PRR16: variants seen among roughly 807,000 people sequenced by gnomAD.
The protein encoded by PRR16 is proline rich 16.
A neutral mutation model predicts 18.2 loss-of-function variants in PRR16; 6 were observed. The ratio of observed to expected loss-of-function variants is 0.33; its 90% CI spans 0.18 to 0.65. The LOEUF (loss-of-function observed/expected upper bound fraction) is 0.65, where lower values mean the gene tolerates loss of function less well. Ranked by LOEUF, PRR16 falls within the 30% of genes least tolerant of loss-of-function variation. PRR16 has a pLI of 0.74. For missense variants in PRR16, 412 were observed against 376.6 expected (o/e 1.09, Z -0.78); for synonymous variants, 151 against 147.8 (o/e 1.02, Z -0.16).
chr5:120,675,757 C>T (rs1010802157), intron 1 of PRR16, among the ~76,000 whole-genome samples: 5 of 152,064 alleles, frequency 3.3e-5, no homozygotes, highest in African/African-American at 1.2e-4. Context: ...AGTACTTGCA[C>T]AATAAATTAT....
chr5:120,691,087 T>C (rs1757203379), downstream of PRR16, among the ~76,000 whole-genome samples: 1 of 152,148 alleles, frequency 6.6e-6, no homozygotes, highest in African/African-American at 2.4e-5. Flanking sequence ...ACATAGGAAT[T>C]AGTACACTTA....
intron 1 of PRR16, among the ~76,000 whole-genome samples, chr5:120,534,335 G>T (rs1049892169): frequency 3.9e-5 from 6 of 152,080 alleles, no homozygotes; most frequent in Non-Finnish European, 5.9e-5. Flanking sequence ...TATCTTAAAA[G>T]ATATTATATT....
chr5:120,488,724 C>G (rs1486222651), intron 1 of PRR16, among the ~76,000 whole-genome samples: 2 of 152,102 alleles, frequency 1.3e-5, no homozygotes, highest in African/African-American at 2.4e-5. Flanking sequence ...TTCTCTAGTT[C>G]TTTTAATTGT....
chr5:120,667,953 G>A (rs1435152265), intron 1 of PRR16, among the ~76,000 whole-genome samples: 1 of 152,116 alleles, frequency 6.6e-6, no homozygotes, highest in African/African-American at 2.4e-5. Flanking sequence ...GGAGAGTTCT[G>A]TAGATGTCTA....
chr5:120,622,679 A>G (rs558039330), intron 1 of PRR16, among the ~76,000 whole-genome samples: 7 of 152,018 alleles, frequency 4.6e-5, no homozygotes, highest in African/African-American at 1.7e-4. Context: ...GAGTTTCACC[A>G]TGTTGGCTAG....
the PRR16 span, among the ~76,000 whole-genome samples, chr5:120,726,892 G>A: frequency 3.3e-5 from 5 of 152,072 alleles, 1 homozygote; most frequent in East Asian, 9.7e-4. Flanking sequence ...CTATGTAGTA[G>A]CATTGTTACT....
At chr5:120,783,706 GT>G in the PRR16 span, among the ~76,000 whole-genome samples, 2 of 152,086 alleles carry the variant, frequency 1.3e-5, no homozygotes, top group South Asian at 4.1e-4. Flanking sequence ...CATTTATCAT[GT>G]TTTTGTGTTG....
intron 1 of PRR16, among the ~76,000 whole-genome samples, chr5:120,652,232 A>G (rs1336507276): frequency 1.3e-5 from 2 of 150,790 alleles, no homozygotes; most frequent in African/African-American, 2.4e-5. Context: ...AATGGTGTCT[A>G]TGTTTTTTTT....
chr5:120,682,814 C>A (rs531617533), intron 1 of PRR16, among the ~76,000 whole-genome samples: 1 of 152,254 alleles, frequency 6.6e-6, no homozygotes, highest in East Asian at 1.9e-4. Flanking sequence ...GAAGTAACAA[C>A]CACTTCCAAG....
chr5:120,713,967 T>C, the PRR16 span, among the ~76,000 whole-genome samples: 1 of 152,172 alleles, frequency 6.6e-6, no homozygotes, highest in Non-Finnish European at 1.5e-5. Flanking sequence ...AAAGTTTTGA[T>C]ACATTTCCGA....
At chr5:120,712,021 T>C in the PRR16 span, among the ~76,000 whole-genome samples, 1 of 152,182 alleles carries the variant, frequency 6.6e-6, no homozygotes, top group Non-Finnish European at 1.5e-5. Flanking sequence ...TTTCCTCTTA[T>C]TGACAAGTTT....
intron 1 of PRR16, among the ~76,000 whole-genome samples, chr5:120,670,106 A>G (rs1180918492): frequency 2.0e-5 from 3 of 152,146 alleles, no homozygotes; most frequent in Non-Finnish European, 2.9e-5. Context: ...GTGATAAATA[A>G]TGCAGATTCA....
At chr5:120,527,074 G>T (rs529117214) in intron 1 of PRR16, among the ~76,000 whole-genome samples, 1 of 152,184 alleles carries the variant, frequency 6.6e-6, no homozygotes, top group South Asian at 2.1e-4. Context: ...CTATGAATTT[G>T]ACTCTTTTGG....
At chr5:120,677,366 A>G (rs181674672) in intron 1 of PRR16, among the ~76,000 whole-genome samples, 36 of 152,198 alleles carry the variant, frequency 2.4e-4, no homozygotes, top group African/African-American at 8.7e-4. Flanking sequence ...GTCACTTGCT[A>G]TCCTATATAT....
At chr5:120,566,722 C>G (rs2112727389) in intron 1 of PRR16, among the ~76,000 whole-genome samples, 1 of 152,288 alleles carries the variant, frequency 6.6e-6, no homozygotes, top group East Asian at 1.9e-4. Context: ...AGGGCATGTA[C>G]TTTACAGTAA....
At chr5:120,488,389 G>A (rs912570494) in intron 1 of PRR16, among the ~76,000 whole-genome samples, 3 of 152,172 alleles carry the variant, frequency 2.0e-5, no homozygotes, top group Admixed American at 6.5e-5. Flanking sequence ...GGGTGTATGT[G>A]TCGAGGAATT....
At chr5:120,486,298 C>T (rs1411638302) in intron 1 of PRR16, among the ~76,000 whole-genome samples, 1 of 152,056 alleles carries the variant, frequency 6.6e-6, no homozygotes, top group Admixed American at 6.6e-5. Flanking sequence ...TCTCCACATC[C>T]TCTCCAGCAC....
the PRR16 span, among the ~76,000 whole-genome samples, chr5:120,776,055 T>G: frequency 6.7e-4 from 102 of 152,224 alleles, no homozygotes; most frequent in African/African-American, 2.3e-3. Context: ...GTCAGGATCT[T>G]ATAAATGCAG....
rs1465937364 is a variant in PRR16, at chr5:120,511,581, G to A, written c.159+46936G>A. ...CTTCATGGAAGTTTTTGCTGCCTCC[G>A]CTCCCCTACTGTCACTGCTTATGGT... On this transcript the variant is annotated intron_variant, in intron 1 of 1. Coordinates refer to ENST00000407149, the MANE Select transcript of PRR16 (RefSeq NM_001300783.2). Among the ~76,000 whole-genome samples the A allele has an allele frequency of 2.6e-5, 4 of 152,164 alleles. No homozygotes were observed. The South Asian group carries it at 6.2e-4, about 24-fold the overall frequency.
Sources: allele counts gnomAD v4.1 joint callset (sites outside exome capture counted in the v4.1 genomes callset), GRCh38; gene constraint gnomAD v4.1.1; transcripts MANE v1.5; gene names NCBI Gene and HGNC (gene_info 2026-07-23, HGNC 2026-07-21).